Variants in TRPM1 observed in about 807,000 individuals in gnomAD.
The protein encoded by TRPM1 is transient receptor potential cation channel subfamily M member 1.
Under a neutral mutation model 149.4 loss-of-function variants are expected in TRPM1, and 113 were observed. The observed-to-expected ratio is 0.76, with a 90% confidence interval of 0.65 to 0.88. TRPM1 has a LOEUF of 0.88. TRPM1 is among the 40% of genes least tolerant of loss of function. The probability of loss-of-function intolerance (pLI) is 0.00; values close to 1 mark genes in which losing one functional copy is unlikely to be tolerated. For synonymous variants in TRPM1, 741 were observed against 759.5 expected (o/e 0.98, Z 0.40); for missense variants, 1,976 against 2,038.7 (o/e 0.97, Z 0.59).
chr15:31,097,023 G>T (rs575395152), intron 1 of TRPM1, among the ~76,000 whole-genome samples: 118 of 152,234 alleles, frequency 7.8e-4, no homozygotes, highest in Non-Finnish European at 1.3e-4. Context: ...AGACTGCCGG[G>T]CCCCTTTGTT....
Position 31,065,010 on chromosome 15 carries a change from G to C in TRPM1, c.790+1066C>G, listed in dbSNP as rs759434715. On this transcript the variant is annotated intron_variant, in intron 7 of 27. Coordinates refer to ENST00000256552, the MANE Select transcript of TRPM1 (RefSeq NM_001252024.2). ...AACAGAGTAGAACAGGTTCTTCTTG[G>C]CTTAGGCTGGAGTCCTCGAAGCTCC... is the stretch of plus-strand genomic sequence containing the variant. 12 of 532,530 alleles carry C rather than the reference G, an allele frequency of 2.3e-5. No homozygotes were observed. The African/African-American group carries it at 2.3e-4, about 10-fold the overall frequency. The allele number at this position is 532,530 out of a possible 1,614,324, so 33.0% of individuals were successfully genotyped here.
At chr15:31,105,477 G>A (rs894966013), upstream of TRPM1, among the ~76,000 whole-genome samples, 10 of 144,808 alleles carry the variant, frequency 6.9e-5, no homozygotes, top group African/African-American at 1.1e-4. Flanking sequence ...GTGTGTGCGC[G>A]CGCGCGCGCG....
At chr15:31,012,208 C>G (rs79207192) in intron 27 of TRPM1, among the ~76,000 whole-genome samples, 1,968 of 152,184 alleles carry the variant, frequency 0.013, 36 homozygotes, top group African/African-American at 0.046. Context: ...TTTACTGGTC[C>G]TCTTTATTTC....
Position 31,080,670 on chromosome 15 carries a change from C to G in TRPM1, c.3+683G>C, listed in dbSNP as rs1157613805. On this transcript the variant is annotated intron_variant, in intron 2 of 27. Coordinates refer to ENST00000256552, the MANE Select transcript of TRPM1 (RefSeq NM_001252024.2). Reference sequence around the variant, plus strand: ...CCTCGACCCCGCCCCCTCACCCCGCCCCCTGTTACCTCTCACGGTCCCGCC... The same window carrying G: ...CCTCGACCCCGCCCCCTCACCCCGCGCCCTGTTACCTCTCACGGTCCCGCC... Among the ~76,000 whole-genome samples, 234 of 140,886 alleles carry G rather than the reference C, an allele frequency of 1.7e-3. 2 individuals are homozygous for G. Among genetic ancestry groups the G allele is most frequent in the African/African-American group, 5.9e-3 (221 of 37,698 alleles). 92.4% of individuals were successfully genotyped at this position (140,886 alleles called of 152,430 possible).
chr15:31,061,620 T>C, intron 9 of TRPM1, 106 bp from the exon 10 acceptor site: 3 of 915,546 alleles, frequency 3.3e-6, no homozygotes, highest in South Asian at 1.3e-5. Flanking sequence ...AAAATGATCC[T>C]GAGCACTAAA....
upstream of TRPM1, among the ~76,000 whole-genome samples, chr15:31,105,704 G>C (rs1368283295): frequency 6.6e-6 from 1 of 152,192 alleles, no homozygotes; most frequent in African/African-American, 2.4e-5. Context: ...CAGTTTAAAA[G>C]ACTGTTTTGT....
intron 1 of TRPM1, among the ~76,000 whole-genome samples, chr15:31,114,657 G>A (rs186959599): frequency 1.3e-5 from 2 of 152,162 alleles, no homozygotes; most frequent in African/African-American, 4.8e-5. Context: ...AAGCAAAGAA[G>A]GGCAGAAGGT....
Position 31,002,973 on chromosome 15 carries a change from C to A in TRPM1, c.3727G>T (p.Glu1243Ter). 1.3e-6 allele frequency: 2 copies of A among 1,597,274 alleles called. No homozygotes were observed. The highest frequency in any genetic ancestry group is 1.7e-6 in the Non-Finnish European group (2 of 1,172,022). Reference protein sequence around the residue: ...QTVDLRLAQLEELSNRMVNAL... With the variant: ...QTVDLRLAQL ...TTCACCATTCTGTTAGATAATTCTTCTAGCTGAGCAAGTCGAAGGTCAACA... is the reference window on the plus strand; with the variant it reads ...TTCACCATTCTGTTAGATAATTCTTATAGCTGAGCAAGTCGAAGGTCAACA... The change falls in exon 28 of 28, where the codon GAA becomes TAA. Residue 1243 changes from glutamate to a stop codon, truncating the protein, a stop_gained. Coordinates refer to ENST00000256552, the MANE Select transcript of TRPM1 (RefSeq NM_001252024.2). LOFTEE classifies it low-confidence loss of function (END_TRUNC).
intron 7 of TRPM1, chr15:31,065,167 G>A (rs1243679045): frequency 1.9e-6 from 1 of 529,162 alleles, no homozygotes; most frequent in Admixed American, 2.0e-5. Context: ...AAACTTACAA[G>A]TCCAGAAAAA....
chr15:31,076,965 T>C lies in TRPM1; in HGVS notation c.23A>G (p.Glu8Gly). Residue 8 changes from glutamate to glycine, a missense_variant, in exon 3 of 28, where the codon GAG (glutamate) becomes GGG (glycine). Glu to Gly is a moderately conservative substitution (Grantham distance 98). Transcript: ENST00000256552. MGQKSWI[E>G]KTFCKRECIF... is the part of the protein sequence containing the mutation. The stretch of plus-strand genomic sequence containing the variant: ...ACATTCCCGTTTGCAAAAGGTTTTC[T>C]CTATCCAAGATTTCTGACCCTGGAA... 6.2e-7 allele frequency: 1 copy of C among 1,612,446 alleles called. No individual in the cohort carries two copies. Among genetic ancestry groups the C allele is most frequent in the Non-Finnish European group, 8.5e-7 (1 of 1,178,454 alleles).
intron 23 of TRPM1, among the ~76,000 whole-genome samples, chr15:31,029,922 T>C (rs576149491): frequency 6.6e-6 from 1 of 152,292 alleles, no homozygotes; most frequent in South Asian, 2.1e-4. Context: ...ATAAAAATAC[T>C]ACAGTTTATG....
Position 31,001,536 on chromosome 15 carries a change from G to T in TRPM1, c.*286C>A. ...GAGGGCACTTCCTAGGCTATTTGGT[G>T]GCCCTCAGTAATAAAGAGATTGTAT... On this transcript the variant is annotated 3_prime_UTR_variant, in exon 28 of 28. Transcript: ENST00000256552. 2.3e-6 allele frequency: 1 copy of T among 431,884 alleles called. No homozygotes were observed. The highest frequency in any genetic ancestry group is 4.1e-6 in the Non-Finnish European group (1 of 240,998). 26.8% of individuals were successfully genotyped at this position (431,884 alleles called of 1,614,324 possible). A position where few individuals can be genotyped will look rare whatever the true frequency, so the allele number is the denominator to read the frequency against.
intron 1 of TRPM1, among the ~76,000 whole-genome samples, chr15:31,113,499 T>C (rs549734732): frequency 3.3e-5 from 5 of 151,968 alleles, no homozygotes; most frequent in African/African-American, 1.2e-4. Context: ...TTAAAGACAG[T>C]GACTGAGAAT....
chr15:31,055,194 C>T lies in TRPM1; in HGVS notation c.1264-4612G>A, dbSNP rs531616654. ...AACTATTAAAAGAAGATTTTGGAGA[C>T]CTTATATCCCACTGTAGGGAGACAG... On this transcript the variant is annotated intron_variant, in intron 11 of 27. Coordinates refer to ENST00000256552, the MANE Select transcript of TRPM1 (RefSeq NM_001252024.2). Among the ~76,000 whole-genome samples the T allele has an allele frequency of 2.0e-5, 3 of 152,250 alleles. 1 individual carries two copies. The South Asian group carries it at 6.2e-4, about 32-fold the overall frequency.
intron 27 of TRPM1, among the ~76,000 whole-genome samples, chr15:31,007,649 G>A (rs776008174): frequency 0.11 from 2,279 of 20,488 alleles, 13 homozygotes; most frequent in South Asian, 0.21. Context: ...CAACAGCAGC[G>A]CAGCAACAAC....
intron 14 of TRPM1, among the ~76,000 whole-genome samples, 159 bp downstream of exon 14, chr15:31,047,730 C>T (rs753834168): frequency 6.6e-6 from 1 of 152,242 alleles, no homozygotes; most frequent in Non-Finnish European, 1.5e-5. Flanking sequence ...AAAGATTATC[C>T]TTTGCTTTCT....
At chr15:31,114,869 G>C (rs1227129813) in intron 1 of TRPM1, among the ~76,000 whole-genome samples, 1 of 152,180 alleles carries the variant, frequency 6.6e-6, no homozygotes, top group Non-Finnish European at 1.5e-5. Flanking sequence ...GCACAAAAAA[G>C]AGTAAAGAAC....
chr15:31,060,236 T>C (rs533797519), intron 11 of TRPM1: 1 of 445,792 alleles, frequency 2.2e-6, no homozygotes, highest in Non-Finnish European at 4.1e-6. Flanking sequence ...AGCATTGCAT[T>C]AAATTTTAAT....
intron 4 of TRPM1, among the ~76,000 whole-genome samples, chr15:31,068,642 G>A (rs373256351): frequency 6.7e-6 from 1 of 150,146 alleles, no homozygotes; most frequent in Non-Finnish European, 1.5e-5. Flanking sequence ...TACTTCAGAA[G>A]CTGAGGCAGG....
Sources: allele counts gnomAD v4.1 joint callset (sites outside exome capture counted in the v4.1 genomes callset), GRCh38; gene constraint gnomAD v4.1.1; transcripts MANE v1.5; gene names NCBI Gene and HGNC (gene_info 2026-07-23, HGNC 2026-07-21).